NBAS: variants seen among roughly 807,000 people sequenced by gnomAD.
The protein encoded by NBAS is NAG/BC035112 fusion.
A neutral mutation model predicts 302.5 loss-of-function variants in NBAS; 219 were observed. The ratio of observed to expected loss-of-function variants is 0.72; its 90% CI spans 0.65 to 0.81. The LOEUF (loss-of-function observed/expected upper bound fraction) is 0.81. Ranked by LOEUF, NBAS falls within the 30% of genes least tolerant of loss-of-function variation. The pLI is 0.00. For synonymous variants in NBAS, 1,118 were observed against 1,021.6 expected, an observed-to-expected ratio of 1.09 and a Z score of -1.80; for missense variants, 2,932 against 2,841.6, an observed-to-expected ratio of 1.03 and a Z score of -0.72.
chr2:15,413,039 A>G (rs911120688), intron 25 of NBAS, among the ~76,000 whole-genome samples: 5 of 152,330 alleles, frequency 3.3e-5, no homozygotes, highest in African/African-American at 4.8e-5. Flanking sequence ...GCCAGCGCCA[A>G]TAAGATTGCT....
At chr2:15,273,046 T>TAC in intron 44 of NBAS, among the ~76,000 whole-genome samples, 1 of 152,294 alleles carries the variant, frequency 6.6e-6, no homozygotes, top group African/African-American at 2.4e-5. Context: ...CTGTCCCCTC[T>TAC]ACACACACGC....
At chr2:14,995,539 T>A in the NBAS span, among the ~76,000 whole-genome samples, 1 of 152,090 alleles carries the variant, frequency 6.6e-6, no homozygotes, top group African/African-American at 2.4e-5. Context: ...TCCTACAACA[T>A]CACATGGAAT....
chr2:15,159,683 T>C, the NBAS span, among the ~76,000 whole-genome samples: 1 of 152,234 alleles, frequency 6.6e-6, no homozygotes, highest in South Asian at 2.1e-4. Context: ...GTTCTGGAGA[T>C]TGGTTGCACA....
At chr2:15,219,761 T>C (rs1244517752) in intron 47 of NBAS, among the ~76,000 whole-genome samples, 3 of 112,130 alleles carry the variant, frequency 2.7e-5, no homozygotes, top group Non-Finnish European at 5.8e-5. Context: ...GATTTCTCAA[T>C]TTTTTCCCCA....
chr2:15,031,120 G>A, the NBAS span, among the ~76,000 whole-genome samples: 1 of 152,194 alleles, frequency 6.6e-6, no homozygotes, highest in Non-Finnish European at 1.5e-5. Flanking sequence ...AGTTCCTATA[G>A]CAATATGCCA....
At chr2:14,942,481 C>T in the NBAS span, among the ~76,000 whole-genome samples, 2 of 152,318 alleles carry the variant, frequency 1.3e-5, no homozygotes, top group East Asian at 3.9e-4. Context: ...CTTCCCCTTC[C>T]ACTGTGATTG....
chr2:14,789,288 G>T, the NBAS span, among the ~76,000 whole-genome samples: 1 of 152,180 alleles, frequency 6.6e-6, no homozygotes, highest in Non-Finnish European at 1.5e-5. Context: ...CGCTTCCCAA[G>T]TGAGGCAATG....
chr2:15,202,271 C>T (rs1665913409), intron 48 of NBAS, among the ~76,000 whole-genome samples: 1 of 152,168 alleles, frequency 6.6e-6, no homozygotes, highest in Admixed American at 6.5e-5. Flanking sequence ...TTTATTATAC[C>T]TGTAAACATA....
At chr2:15,166,825 G>A (rs1664039291), downstream of NBAS, 1 of 491,224 alleles carries the variant, frequency 2.0e-6, no homozygotes, top group East Asian at 3.1e-5. Flanking sequence ...AAAGGAGGGT[G>A]GGAAGGAAGA....
At chr2:15,477,873 G>A (rs578095692) in intron 13 of NBAS, among the ~76,000 whole-genome samples, 1 of 152,110 alleles carries the variant, frequency 6.6e-6, no homozygotes, top group African/African-American at 2.4e-5. Context: ...CAAAGACAAA[G>A]AAAGCCCCAC....
the NBAS span, among the ~76,000 whole-genome samples, chr2:14,780,229 T>C: frequency 6.6e-6 from 1 of 152,228 alleles, no homozygotes; most frequent in Non-Finnish European, 1.5e-5. Flanking sequence ...TTAGATGTGA[T>C]ATGAAAAATG....
the NBAS span, among the ~76,000 whole-genome samples, chr2:15,161,552 G>A: frequency 6.6e-6 from 1 of 152,152 alleles, no homozygotes; most frequent in Non-Finnish European, 1.5e-5. Flanking sequence ...AGAAGAGAAA[G>A]TTCACCCCTT....
At chr2:15,178,263 A>T in intron 51 of NBAS, 1 of 430,904 alleles carries the variant, frequency 2.3e-6, no homozygotes, top group South Asian at 1.8e-5. Flanking sequence ...GTATGTGTAT[A>T]GTGTACATAC....
At chr2:15,521,270 G>A (rs1339903659) in intron 9 of NBAS, among the ~76,000 whole-genome samples, 1 of 152,018 alleles carries the variant, frequency 6.6e-6, no homozygotes, top group Non-Finnish European at 1.5e-5. Flanking sequence ...CTGATTCGTT[G>A]GTCACCCTGA....
Position 15,461,350 on chromosome 2 carries a change from C to A in NBAS, c.2203-13G>T. On this transcript the variant is annotated splice_polypyrimidine_tract_variant and intron_variant, in intron 20 of 51. Transcript: ENST00000281513. ...GTACATTACTTTCCTGTACAAAAGG[C>A]AAGGGGTAAGTTTCTAATGTAAATC... The A allele has an allele frequency of 6.2e-7, 1 of 1,610,010 alleles. No individual in the cohort carries two copies. Among genetic ancestry groups the A allele is most frequent in the Non-Finnish European group, 8.5e-7 (1 of 1,176,526 alleles).
chr2:14,891,900 G>A, the NBAS span, among the ~76,000 whole-genome samples: 1 of 152,176 alleles, frequency 6.6e-6, no homozygotes, highest in Admixed American at 6.5e-5. Context: ...TGGTGTTATA[G>A]GAAAAGCACT....
the NBAS span, among the ~76,000 whole-genome samples, chr2:14,814,812 T>C: frequency 2.4e-3 from 367 of 152,284 alleles, no homozygotes; most frequent in African/African-American, 8.0e-3. Context: ...GGTTTGGCTC[T>C]GTGTCCCCCC....
chr2:15,212,914 T>C (rs1038411409), intron 48 of NBAS, among the ~76,000 whole-genome samples: 2 of 152,172 alleles, frequency 1.3e-5, no homozygotes, highest in African/African-American at 4.8e-5. Flanking sequence ...CAGCTCTTTA[T>C]AGCAGCGTGA....
At chr2:14,841,504 A>C in the NBAS span, among the ~76,000 whole-genome samples, 33 of 97,734 alleles carry the variant, frequency 3.4e-4, no homozygotes, top group South Asian at 7.3e-4. Flanking sequence ...TGGAAACAAA[A>C]AAAAAAAAAA....
Sources: gnomAD v4.1 joint callset for allele counts (sites outside exome capture counted in the v4.1 genomes callset) on GRCh38, gnomAD v4.1.1 for gene constraint, MANE v1.5 for transcripts, NCBI Gene and HGNC (gene_info 2026-07-23, HGNC 2026-07-21) for gene names.